Variants in PDXDC1 observed in about 807,000 individuals in gnomAD.
The protein encoded by PDXDC1 is pyridoxal dependent decarboxylase domain containing 1.
PDXDC1 carries 42 observed loss-of-function variants against 100.1 expected under a neutral mutation model. The ratio of observed to expected loss-of-function variants is 0.42; its 90% CI spans 0.33 to 0.54. The LOEUF is 0.54. Among genes scored for constraint, PDXDC1 ranks in the 20% least tolerant of loss-of-function variants. The pLI is 0.10. For missense variants in PDXDC1, 636 were observed against 979.2 expected, an observed-to-expected ratio of 0.65 and a Z score of 4.68; for synonymous variants, 260 against 371.7, an observed-to-expected ratio of 0.70 and a Z score of 3.46.
chr16:15,146,315 C>T, the PDXDC1 span, among the ~76,000 whole-genome samples: 1 of 152,170 alleles, frequency 6.6e-6, no homozygotes, highest in African/African-American at 2.4e-5. Flanking sequence ...TGCCCACCAG[C>T]GACAGCGCAC....
intron 1 of PDXDC1, among the ~76,000 whole-genome samples, chr16:14,990,981 A>T (rs1404498929): frequency 8.5e-5 from 13 of 152,272 alleles, no homozygotes; most frequent in Admixed American, 2.6e-4. Flanking sequence ...GCCTCAGGTG[A>T]TCCGTCAACC....
chr16:15,002,745 G>A (rs1256849297), intron 4 of PDXDC1, among the ~76,000 whole-genome samples: 2 of 152,248 alleles, frequency 1.3e-5, no homozygotes, highest in Non-Finnish European at 2.9e-5. Context: ...ATGGAGTTGC[G>A]GCATTTAGCA....
intron 16 of PDXDC1, among the ~76,000 whole-genome samples, chr16:15,109,700 A>C (rs1286453485): frequency 8.3e-6 from 1 of 120,546 alleles, no homozygotes; most frequent in Non-Finnish European, 1.7e-5. Context: ...AAAAAAAAAA[A>C]AATTGGCCGA....
intron 1 of PDXDC1, chr16:14,976,637 T>C (rs1414370207): frequency 1.3e-5 from 2 of 152,440 alleles, no homozygotes; most frequent in African/African-American, 4.8e-5. Flanking sequence ...GGGGGCAATT[T>C]ATTTCCCCAG....
intron 16 of PDXDC1, chr16:15,131,635 G>T: frequency 1.3e-6 from 2 of 1,594,198 alleles, no homozygotes; most frequent in Non-Finnish European, 1.7e-6. Context: ...CACCATCCGC[G>T]ATGGTGACTC....
chr16:15,142,954 C>T (rs145744291), downstream of PDXDC1, among the ~76,000 whole-genome samples: 477 of 152,262 alleles, frequency 3.1e-3, 1 homozygote, highest in African/African-American at 0.01. Context: ...TGCTGCCCCA[C>T]GCACTCCTCA....
chr16:15,056,980 G>T (rs1404080118), intron 16 of PDXDC1, among the ~76,000 whole-genome samples: 1 of 152,096 alleles, frequency 6.6e-6, no homozygotes, highest in Non-Finnish European at 1.5e-5. Flanking sequence ...TCCCCAAGGT[G>T]AGAGGCGTCT....
intron 16 of PDXDC1, among the ~76,000 whole-genome samples, chr16:15,043,419 CTA>C (rs2043913916): frequency 6.6e-6 from 1 of 152,178 alleles, no homozygotes; most frequent in South Asian, 2.1e-4. Flanking sequence ...TGGCATGCAC[CTA>C]GTCACAGCTA....
intron 1 of PDXDC1, among the ~76,000 whole-genome samples, chr16:14,976,259 G>A (rs1966826989): frequency 6.6e-6 from 1 of 152,280 alleles, no homozygotes; most frequent in South Asian, 2.1e-4. Flanking sequence ...GTGGCATTCA[G>A]GAGCAATGCT....
the PDXDC1 span, among the ~76,000 whole-genome samples, chr16:15,145,295 CTGT>C: frequency 1.3e-5 from 2 of 152,236 alleles, no homozygotes; most frequent in African/African-American, 4.8e-5. Context: ...ACCCACTCGG[CTGT>C]GGGCACAGCC....
At chr16:15,067,242 C>A (rs572506783) in intron 16 of PDXDC1, among the ~76,000 whole-genome samples, 1 of 151,798 alleles carries the variant, frequency 6.6e-6, no homozygotes, top group Non-Finnish European at 1.5e-5. Context: ...TATGATCCGG[C>A]CTAAATATCC....
At position 15,130,078 on chromosome 16, in the gene PDXDC1, C is replaced by A; in HGVS notation, c.1400-8801C>A. On this transcript the variant is annotated intron_variant, in intron 16 of 16. Coordinates refer to the PDXDC1 transcript ENST00000535621. Reference sequence around the variant, plus strand: ...TGTAGTTTACATCCGCTGTCGGCTCCTGTGAGGACACAGCCGCCGGGCCCA... The same window carrying A: ...TGTAGTTTACATCCGCTGTCGGCTCATGTGAGGACACAGCCGCCGGGCCCA... 2.0e-6 allele frequency: 3 copies of A among 1,486,870 alleles called. No individual in the cohort carries two copies. In the South Asian group the frequency reaches 3.5e-5, roughly 17 times the overall value. 92.1% of individuals were successfully genotyped at this position (1,486,870 alleles called of 1,614,324 possible). A position where few individuals can be genotyped will look rare whatever the true frequency, so the allele number is the denominator to read the frequency against.
At chr16:15,133,912 C>T in intron 16 of PDXDC1, 2 of 1,473,188 alleles carry the variant, frequency 1.4e-6, no homozygotes, top group Admixed American at 1.8e-5. Flanking sequence ...GCGCAGCCCT[C>T]CTCCTCGCCA....
At chr16:15,128,401 G>C (rs767332381) in intron 16 of PDXDC1, 14 of 1,505,572 alleles carry the variant, frequency 9.3e-6, no homozygotes, top group East Asian at 2.3e-5. Context: ...TGGAGGGCAA[G>C]AGGGAGGGGT....
intron 16 of PDXDC1, chr16:15,130,858 G>A (rs2048018313): frequency 4.2e-6 from 3 of 719,084 alleles, no homozygotes; most frequent in Non-Finnish European, 4.9e-6. Context: ...ACCCACGATG[G>A]CCCTCCTGAG....
chr16:15,147,855 AT>A, the PDXDC1 span, among the ~76,000 whole-genome samples: 1 of 151,398 alleles, frequency 6.6e-6, no homozygotes, highest in Non-Finnish European at 1.5e-5. Flanking sequence ...CACCTCGCTA[AT>A]TTTTGTATTT....
chr16:14,980,041 G>A (rs1370825092), intron 1 of PDXDC1, among the ~76,000 whole-genome samples: 1 of 152,292 alleles, frequency 6.6e-6, no homozygotes, highest in East Asian at 1.9e-4. Context: ...GGCTATGGCT[G>A]TAAATGATTA....
At chr16:15,065,440 T>G (rs2044927635) in intron 16 of PDXDC1, 2 of 1,396,930 alleles carry the variant, frequency 1.4e-6, no homozygotes, top group South Asian at 2.6e-5. Flanking sequence ...AGATGTGAGC[T>G]GCGTGTGACA....
intron 2 of PDXDC1, 126 bp from the exon 3 acceptor site, chr16:14,998,214 A>G: frequency 1.2e-6 from 1 of 829,964 alleles, no homozygotes; most frequent in Non-Finnish European, 1.9e-6. Context: ...AGATGTGATA[A>G]ATGTGTTTGA....
Sources: allele counts gnomAD v4.1 joint callset (sites outside exome capture counted in the v4.1 genomes callset), GRCh38; gene constraint gnomAD v4.1.1; transcripts MANE v1.5; gene names NCBI Gene and HGNC (gene_info 2026-07-23, HGNC 2026-07-21).